The following RELN variants were observed in gnomAD, a reference collection of about 807,000 sequenced individuals.
RELN encodes reelin.
Under a neutral mutation model 427.6 loss-of-function variants are expected in RELN, and 108 were observed. That is an observed-to-expected ratio of 0.25 (90% CI 0.22 to 0.30). The LOEUF is 0.30. RELN is among the 10% of genes least tolerant of loss of function. The pLI is 1.00. For synonymous variants in RELN, 1,524 were observed against 1,513.4 expected (o/e 1.01, Z -0.16); for missense variants, 3,715 against 4,302.8 (o/e 0.86, Z 3.82).
chr7:103,529,593 G>T (rs561483214), intron 46 of RELN, among the ~76,000 whole-genome samples: 1 of 152,076 alleles, frequency 6.6e-6, no homozygotes, highest in South Asian at 2.1e-4. Flanking sequence ...CAGAGTAGGG[G>T]CTATGAAACT....
intron 2 of RELN, among the ~76,000 whole-genome samples, chr7:103,883,775 A>T (rs976792490): frequency 6.6e-6 from 1 of 152,228 alleles, no homozygotes; most frequent in African/African-American, 2.4e-5. Context: ...TGCTCAAGGA[A>T]TAAGAGAGGA....
At chr7:103,874,167 T>C (rs1331466988) in intron 2 of RELN, among the ~76,000 whole-genome samples, 1 of 136,370 alleles carries the variant, frequency 7.3e-6, no homozygotes, top group Non-Finnish European at 1.6e-5. Context: ...CCCTTCATGC[T>C]AAAAACTCTC....
At chr7:103,686,347 C>T (rs1451677766) in intron 10 of RELN, among the ~76,000 whole-genome samples, 5 of 152,040 alleles carry the variant, frequency 3.3e-5, no homozygotes, top group Admixed American at 6.6e-5. Context: ...ATACAAAGTG[C>T]GCTTTAAAAG....
chr7:103,895,347 TG>T (rs1406338408), intron 2 of RELN, among the ~76,000 whole-genome samples: 3 of 151,810 alleles, frequency 2.0e-5, no homozygotes, highest in Admixed American at 6.6e-5. Context: ...ACGAGGCAAA[TG>T]GGGGCCCATT....
At chr7:103,801,726 TA>T (rs34093844) in intron 3 of RELN, among the ~76,000 whole-genome samples, 3,037 of 144,618 alleles carry the variant, frequency 0.021, 88 homozygotes, top group African/African-American at 0.07. Flanking sequence ...ACTTAAAGTA[TA>T]AAAAAAAAAA....
Position 103,636,388 on chromosome 7 carries a change from C to T in RELN, c.2150G>A (p.Ser717Asn). Residue 717 changes from serine (S) to asparagine (N), a missense_variant, in exon 18 of 65, where the codon AGT becomes AAT. By Grantham distance (46) the Ser-to-Asn change is conservative (BLOSUM62 1). Coordinates refer to ENST00000428762, the MANE Select transcript of RELN (RefSeq NM_005045.4). Reference sequence around the variant, plus strand: ...GTTATGGTAAGAGGAGAGCCTGGAACTGCCAAAGCTTTCAGAAATAAACAT... The same window carrying T: ...GTTATGGTAAGAGGAGAGCCTGGAATTGCCAAAGCTTTCAGAAATAAACAT... ...FPMFISESFG[S>N]SRLSSYHNFY... is the part of the protein sequence containing the mutation. The T allele has an allele frequency of 6.2e-7, 1 of 1,614,018 alleles. No homozygotes were observed. Among genetic ancestry groups the T allele is most frequent in the Admixed American group, 1.7e-5 (1 of 60,006 alleles).
chr7:103,592,440 G>T (rs1269827962), intron 27 of RELN, among the ~76,000 whole-genome samples: 1 of 152,106 alleles, frequency 6.6e-6, no homozygotes, highest in East Asian at 1.9e-4. Flanking sequence ...GTCTACCACA[G>T]ATGAGCATTT....
chr7:103,908,605 C>T (rs1795271185), intron 2 of RELN, among the ~76,000 whole-genome samples: 1 of 152,164 alleles, frequency 6.6e-6, no homozygotes, highest in Non-Finnish European at 1.5e-5. Flanking sequence ...TCTGCTTTAA[C>T]AATTTATTGG....
At position 103,989,148 on chromosome 7, in the gene RELN, G is replaced by A; in HGVS notation, c.209C>T (p.Pro70Leu). Reference sequence around the variant, plus strand: ...GTACCTACCATGGTATTCTTGTCCCGGAACGTAGTAGGTGGGGTTGCCCGC... The same window carrying A: ...GTACCTACCATGGTATTCTTGTCCCAGAACGTAGTAGGTGGGGTTGCCCGC... ...HIAGNPTYYVPGQEYHVTIST... is the reference protein window; with the variant it reads ...HIAGNPTYYVLGQEYHVTIST... Residue 70 changes from proline to leucine, a missense_variant, in exon 1 of 65, where the codon CCG becomes CTG. Pro to Leu is a moderately conservative substitution (Grantham distance 98, BLOSUM62 -3). Around this residue, in one of 4 missense-constraint regions of RELN, gnomAD observed 2,208 missense variants for 2,361.7 expected, o/e 0.93. Transcript: ENST00000428762. This position sits in a 1 kb window ranked among gnomAD's most constrained non-coding sequence, Gnocchi z 4.9. 6.2e-7 allele frequency: 1 copy of A among 1,613,950 alleles called. No homozygotes were observed. Among genetic ancestry groups the A allele is most frequent in the Non-Finnish European group, 8.5e-7 (1 of 1,179,954 alleles).
intron 20 of RELN, among the ~76,000 whole-genome samples, chr7:103,622,080 A>C (rs931019124): frequency 1.9e-4 from 29 of 152,240 alleles, no homozygotes; most frequent in Admixed American, 5.2e-4. Context: ...AACCAGAAAG[A>C]AGCACAAATC....
chr7:103,827,262 A>C (rs39351), intron 3 of RELN, among the ~76,000 whole-genome samples: 121,739 of 151,706 alleles, frequency 0.8, 48,901 homozygotes, highest in South Asian at 0.88. Context: ...AAAGCAGCAT[A>C]CTGTGGAGAC....
chr7:103,631,286 C>CTT (rs545808640), intron 19 of RELN, among the ~76,000 whole-genome samples: 2,124 of 77,520 alleles, frequency 0.027, 239 homozygotes, highest in African/African-American at 0.064. Flanking sequence ...AAAAACACTT[C>CTT]TTTTTTTTTT....
intron 2 of RELN, among the ~76,000 whole-genome samples, chr7:103,855,766 G>T (rs1369088219): frequency 6.6e-6 from 1 of 152,090 alleles, no homozygotes; most frequent in Non-Finnish European, 1.5e-5. Flanking sequence ...GCAGCCTCAG[G>T]CATTCCTGAG....
intron 25 of RELN, among the ~76,000 whole-genome samples, chr7:103,594,850 AT>A (rs1831502142): frequency 6.6e-6 from 1 of 152,146 alleles, no homozygotes; most frequent in Non-Finnish European, 1.5e-5. Context: ...AATATTTAAC[AT>A]TTTTTTCAAA....
chr7:103,483,654 G>A lies in RELN; in HGVS notation c.10180C>T (p.Leu3394=). ...TGCCTTTCCATTTGGGCCACTTACAGGGGGACATTGTAAGACACTCTCTGA... is the reference window on the plus strand; with the variant it reads ...TGCCTTTCCATTTGGGCCACTTACAAGGGGACATTGTAAGACACTCTCTGA... ...QAQRVSYNVP[L]EARMKGVLLR... is the part of the protein sequence containing the mutation. Residue 3394 remains leucine (L), a splice_region_variant and synonymous_variant, in exon 62 of 65, where the codon CTG becomes TTG. Coordinates refer to ENST00000428762, the MANE Select transcript of RELN (RefSeq NM_005045.4). 6.2e-7 allele frequency: 1 copy of A among 1,614,014 alleles called. No individual in the cohort carries two copies. The highest frequency in any genetic ancestry group is 8.5e-7 in the Non-Finnish European group (1 of 1,179,906).
At position 103,853,101 on chromosome 7, in the gene RELN, T is replaced by C. The variant is rs138129114; in HGVS notation, c.338-19429A>G. Among the ~76,000 whole-genome samples the C allele has an allele frequency of 1.5e-3, 222 of 152,180 alleles. 2 individuals are homozygous for C. Among genetic ancestry groups the C allele is most frequent in the South Asian group, 6.0e-3 (29 of 4,826 alleles). On this transcript the variant is annotated intron_variant, in intron 2 of 64. Coordinates refer to ENST00000428762, the MANE Select transcript of RELN (RefSeq NM_005045.4). ...AGGCTAAGTGATTACAAATGTAGTC[T>C]CAGAAATTCTGAAGTTCCCTCATAT... is the stretch of plus-strand genomic sequence containing the variant.
chr7:103,983,895 GTA>G (rs1043099897), intron 1 of RELN, among the ~76,000 whole-genome samples: 15 of 148,804 alleles, frequency 1.0e-4, no homozygotes, highest in African/African-American at 2.7e-4. Flanking sequence ...GTGTGTGTGT[GTA>G]TGTCTTTTAA....
intron 45 of RELN, among the ~76,000 whole-genome samples, chr7:103,538,800 C>T (rs1050061988): frequency 2.0e-5 from 3 of 152,092 alleles, no homozygotes. Flanking sequence ...CCTGGATTTA[C>T]AAATTATTAC....
At chr7:103,907,183 C>T (rs1177667653) in intron 2 of RELN, among the ~76,000 whole-genome samples, 9 of 150,590 alleles carry the variant, frequency 6.0e-5, no homozygotes, top group African/African-American at 1.5e-4. Context: ...CTTGGGAGGC[C>T]GAGGCGGTTG....
Sources: allele counts gnomAD v4.1 joint callset (sites outside exome capture counted in the v4.1 genomes callset), GRCh38; gene constraint gnomAD v4.1.1; regional missense constraint gnomAD v4.1.1; non-coding constraint Gnocchi (gnomAD v3.1); transcripts MANE v1.5; gene names NCBI Gene and HGNC (gene_info 2026-07-23, HGNC 2026-07-21).